The following DYNC2I1 variants were observed in gnomAD, a reference collection of about 807,000 sequenced individuals.
DYNC2I1 encodes the protein cytoplasmic dynein 2 intermediate chain 1.
Under a neutral mutation model 133.4 loss-of-function variants are expected in DYNC2I1, and 89 were observed. The ratio of observed to expected loss-of-function variants is 0.67; its 90% CI spans 0.56 to 0.80. The LOEUF is 0.80. DYNC2I1 is among the 30% of genes least tolerant of loss of function. The probability of loss-of-function intolerance (pLI) is 0.00; values close to 1 mark genes in which losing one functional copy is unlikely to be tolerated. For synonymous variants in DYNC2I1, 504 were observed against 484.3 expected, an observed-to-expected ratio of 1.04 and a Z score of -0.54; for missense variants, 1,291 against 1,314.5, an observed-to-expected ratio of 0.98 and a Z score of 0.28.
intron 1 of DYNC2I1, among the ~76,000 whole-genome samples, chr7:158,860,639 T>C (rs1350742427): frequency 6.6e-6 from 1 of 152,218 alleles, no homozygotes; most frequent in Non-Finnish European, 1.5e-5. Context: ...ATTTTTATGG[T>C]CAATGAAAAT....
intron 4 of DYNC2I1, 128 bp from the exon 5 acceptor site, chr7:158,879,556 C>A: frequency 1.0e-6 from 1 of 996,842 alleles, no homozygotes; most frequent in Non-Finnish European, 1.4e-6. Context: ...ACTACAGACA[C>A]GATTTTCTTC....
At chr7:158,840,474 G>A in the DYNC2I1 span, among the ~76,000 whole-genome samples, 1 of 152,186 alleles carries the variant, frequency 6.6e-6, no homozygotes, top group African/African-American at 2.4e-5. Flanking sequence ...GGCTGAGGCA[G>A]GAGAATTGCT....
intron 7 of DYNC2I1, among the ~76,000 whole-genome samples, chr7:158,889,080 CT>C (rs369814666): frequency 0.15 from 18,309 of 125,812 alleles, 792 homozygotes; most frequent in Middle Eastern, 0.21. Flanking sequence ...TCCTGTTTTT[CT>C]TTTTTTTTTT....
chr7:158,886,565 G>T (rs1844624052), intron 6 of DYNC2I1, among the ~76,000 whole-genome samples: 1 of 152,240 alleles, frequency 6.6e-6, no homozygotes, highest in Admixed American at 6.5e-5. Context: ...AACATTTATT[G>T]CTCTAATAAA....
intron 5 of DYNC2I1, among the ~76,000 whole-genome samples, chr7:158,883,587 T>C (rs1457242284): frequency 7.0e-6 from 1 of 142,886 alleles, no homozygotes; most frequent in Admixed American, 6.8e-5. Context: ...CCTCCAGTTA[T>C]CAATTTGAGA....
At chr7:158,916,471 G>T (rs1344033686) in intron 14 of DYNC2I1, among the ~76,000 whole-genome samples, 1 of 70,786 alleles carries the variant, frequency 1.4e-5, no homozygotes, top group East Asian at 2.9e-4. Flanking sequence ...TAGGATGATT[G>T]TGAAACGTCT....
chr7:158,939,135 T>C (rs541683954), intron 23 of DYNC2I1, among the ~76,000 whole-genome samples: 2 of 152,298 alleles, frequency 1.3e-5, no homozygotes, highest in South Asian at 2.1e-4. Context: ...CTCTTTAAAA[T>C]AACTTGTTTT....
chr7:158,854,729 C>G (rs1841132821), upstream of DYNC2I1, among the ~76,000 whole-genome samples: 1 of 152,182 alleles, frequency 6.6e-6, no homozygotes, highest in Non-Finnish European at 1.5e-5. Flanking sequence ...CAGGAATGGA[C>G]AAGGACAGCT....
In DYNC2I1 at chr7:158,881,723, G is replaced by A. The variant is rs1488311968; in HGVS notation, c.879+1734G>A. ...CCGCCTTGGCCTCCCAAAGTGCTGG[G>A]ATTACAGGCATGAGCTACCGCGCCC... is the stretch of plus-strand genomic sequence containing the variant. On this transcript the variant is annotated intron_variant, in intron 5 of 24. Transcript: ENST00000407559. 2.6e-5 allele frequency among the ~76,000 whole-genome samples: 4 copies of A among 152,136 alleles called. No homozygotes were observed. In the East Asian group the frequency reaches 7.7e-4, roughly 29 times the overall value.
At chr7:158,928,355 G>C (rs1263258215) in intron 20 of DYNC2I1, among the ~76,000 whole-genome samples, 1 of 152,098 alleles carries the variant, frequency 6.6e-6, no homozygotes, top group Non-Finnish European at 1.5e-5. Context: ...CTTGAATCAG[G>C]GGTGTTTTCC....
the DYNC2I1 span, among the ~76,000 whole-genome samples, chr7:158,839,958 C>T: frequency 2.6e-5 from 4 of 151,896 alleles, no homozygotes; most frequent in Non-Finnish European, 5.9e-5. Flanking sequence ...ACTACAGGCA[C>T]ATCTCACCAC....
At chr7:158,893,898 C>T (rs1585062791) in intron 8 of DYNC2I1, among the ~76,000 whole-genome samples, 1 of 151,952 alleles carries the variant, frequency 6.6e-6, no homozygotes, top group East Asian at 1.9e-4. Context: ...TGTCACACTA[C>T]ATATCATACC....
upstream of DYNC2I1, among the ~76,000 whole-genome samples, chr7:158,853,084 G>A (rs1470762310): frequency 6.6e-6 from 1 of 152,160 alleles, no homozygotes; most frequent in South Asian, 2.1e-4. Context: ...AGGGTGTCCC[G>A]CTGAGAGACA....
At chr7:158,875,134 TGTCCAGGCTGGA>T (rs1843237525) in intron 3 of DYNC2I1, among the ~76,000 whole-genome samples, 1 of 148,070 alleles carries the variant, frequency 6.8e-6, no homozygotes, top group Non-Finnish European at 1.5e-5. Flanking sequence ...CTCGCTCTAT[TGTCCAGGCTGGA>T]GTGCAGTGTT....
chr7:158,928,912 A>G (rs1343124731), intron 20 of DYNC2I1, among the ~76,000 whole-genome samples: 2 of 152,186 alleles, frequency 1.3e-5, no homozygotes, highest in East Asian at 3.9e-4. Flanking sequence ...TTGTCAAGCA[A>G]TTACGGATGG....
chr7:158,869,228 G>A (rs557018955), intron 1 of DYNC2I1, among the ~76,000 whole-genome samples: 2 of 145,208 alleles, frequency 1.4e-5, no homozygotes, highest in East Asian at 2.0e-4. Context: ...CTCTGGGCCC[G>A]TGGCTGTGGC....
At chr7:158,940,730 C>A (rs770837386) in intron 23 of DYNC2I1, among the ~76,000 whole-genome samples, 14 of 151,966 alleles carry the variant, frequency 9.2e-5, no homozygotes, top group Non-Finnish European at 1.8e-4. Context: ...TCCTGAATGT[C>A]CAGTGGGTCA....
chr7:158,939,262 CAAAA>C (rs1044748845), intron 23 of DYNC2I1, among the ~76,000 whole-genome samples: 1 of 121,980 alleles, frequency 8.2e-6, no homozygotes, highest in Non-Finnish European at 1.8e-5. Flanking sequence ...CTCATCTCTA[CAAAA>C]AAAAACCCAA....
the DYNC2I1 span, among the ~76,000 whole-genome samples, chr7:158,848,483 C>CA: frequency 6.6e-6 from 1 of 152,052 alleles, no homozygotes; most frequent in Non-Finnish European, 1.5e-5. Flanking sequence ...GGGCAATTAC[C>CA]AAAAAAGCAA....
Sources: allele counts gnomAD v4.1 joint callset (sites outside exome capture counted in the v4.1 genomes callset), GRCh38; gene constraint gnomAD v4.1.1; transcripts MANE v1.5; gene names NCBI Gene and HGNC (gene_info 2026-07-23, HGNC 2026-07-21).